The following JPH3 variants were observed in gnomAD, a reference collection of about 807,000 sequenced individuals.
JPH3 encodes the protein junctophilin-3.
In JPH3, 11 loss-of-function variants were observed where a neutral mutation model predicts 59.6. The ratio of observed to expected loss-of-function variants is 0.18; its 90% CI spans 0.12 to 0.31. The LOEUF (loss-of-function observed/expected upper bound fraction) is 0.31, where lower values mean the gene tolerates loss of function less well. Ranked by LOEUF, JPH3 falls within the 10% of genes least tolerant of loss-of-function variation. The pLI is 1.00. For missense variants in JPH3, 1,202 were observed against 1,105.7 expected, an observed-to-expected ratio of 1.09 and a Z score of -1.24; for synonymous variants, 673 against 483.6, an observed-to-expected ratio of 1.39 and a Z score of -5.14.
At chr16:87,687,537 G>A (rs2142829687) in intron 3 of JPH3, among the ~76,000 whole-genome samples, 1 of 152,348 alleles carries the variant, frequency 6.6e-6, no homozygotes. Context: ...GGTGTCCAGT[G>A]CCCAGGCCAC....
chr16:87,603,032 C>A lies in JPH3; in HGVS notation c.-115C>A. On this transcript the variant is annotated 5_prime_UTR_variant, in exon 1 of 5. Coordinates refer to ENST00000284262, the MANE Select transcript of JPH3 (RefSeq NM_020655.4). ...CGAGACCGCGCTCCGGGGCCGCGTC[C>A]TCCTCTCCTCCGGAAAACGCTCGCG... 7.2e-7 allele frequency: 1 copy of A among 1,385,974 alleles called. No homozygotes were observed. Among genetic ancestry groups the A allele is most frequent in the Non-Finnish European group, 9.8e-7 (1 of 1,020,356 alleles). The allele number at this position is 1,385,974 out of a possible 1,614,324, so 85.9% of individuals were successfully genotyped here. A position where few individuals can be genotyped will look rare whatever the true frequency, so the allele number is the denominator to read the frequency against.
intron 2 of JPH3, among the ~76,000 whole-genome samples, chr16:87,683,054 G>A (rs1052646825): frequency 1.3e-5 from 2 of 152,318 alleles, no homozygotes; most frequent in South Asian, 2.1e-4. Flanking sequence ...TGGCTCCTTC[G>A]TGTCACACAT....
chr16:87,657,511 T>C (rs9928780), intron 2 of JPH3, among the ~76,000 whole-genome samples: 14,181 of 152,246 alleles, frequency 0.093, 748 homozygotes, highest in Middle Eastern at 0.15. Context: ...TGAATGCCAC[T>C]GAACTGTGAA....
chr16:87,602,559 C>A lies in JPH3; in HGVS notation c.-588C>A, dbSNP rs915610089. On this transcript the variant is annotated 5_prime_UTR_variant, in exon 1 of 5. Transcript: ENST00000284262. Reference sequence around the variant, plus strand: ...ACGCCGCCGCCGCCACCGCCGCCGCCGCCGCCCGAGCCGCCGCATTGCTGC... The same window carrying A: ...ACGCCGCCGCCGCCACCGCCGCCGCAGCCGCCCGAGCCGCCGCATTGCTGC... Among the ~76,000 whole-genome samples the A allele has an allele frequency of 1.4e-5, 2 of 140,896 alleles. No individual in the cohort carries two copies. Among genetic ancestry groups the A allele is most frequent in the African/African-American group, 5.1e-5 (2 of 39,370 alleles). The allele number at this position is 140,896 out of a possible 152,430, so 92.4% of individuals were successfully genotyped here.
chr16:87,647,735 C>G (rs1034984425), intron 2 of JPH3, among the ~76,000 whole-genome samples: 1 of 152,222 alleles, frequency 6.6e-6, no homozygotes, highest in Non-Finnish European at 1.5e-5. Context: ...CCGCTGTGCA[C>G]AGCCAGCACG....
chr16:87,689,824 G>A lies in JPH3; in HGVS notation c.1464G>A (p.Pro488=), dbSNP rs558535738. Residue 488 remains proline (P), a synonymous_variant, in exon 4 of 5, where the codon CCG becomes CCA. Transcript: ENST00000284262. ...TCCCCACCAGCCCCGCGGCCACCCC[G>A]CCGCCCGCGCCCGCCGCCAGGAACA... ...QSFPTSPAAT[P]PPAPAARNKV... The A allele has an allele frequency of 3.8e-6, 6 of 1,559,396 alleles. No homozygotes were observed. The Admixed American group carries it at 5.7e-5, about 15-fold the overall frequency.
intron 1 of JPH3, among the ~76,000 whole-genome samples, chr16:87,638,006 G>T (rs1368496334): frequency 6.6e-6 from 1 of 152,140 alleles, no homozygotes; most frequent in Non-Finnish European, 1.5e-5. Context: ...AGCAGCCTCT[G>T]CCTCCTGGGT....
In JPH3 at chr16:87,689,725, G is replaced by C. The variant is rs757236318; in HGVS notation, c.1365G>C (p.Gln455His). 33 of 1,612,424 alleles carry C rather than the reference G, an allele frequency of 2.0e-5. No individual in the cohort carries two copies. The South Asian group carries it at 2.2e-4, about 11-fold the overall frequency. ...TGTCCACCGGGACACCCCTGCAGCA[G>C]GAGAGCCCCGAGCTGTACCGCAAGG... ...EVLSTGTPLQQESPELYRKGT... is the reference protein window; with the variant it reads ...EVLSTGTPLQHESPELYRKGT... Residue 455 changes from glutamine (Q) to histidine (H), a missense_variant, in exon 4 of 5, where the codon CAG becomes CAC. Physicochemically the swap from Gln to His is conservative, Grantham distance 24. Coordinates refer to ENST00000284262, the MANE Select transcript of JPH3 (RefSeq NM_020655.4).
chr16:87,616,193 TGTG>T (rs1567583271), intron 1 of JPH3, among the ~76,000 whole-genome samples: 8 of 63,048 alleles, frequency 1.3e-4, no homozygotes, highest in African/African-American at 4.2e-4. Context: ...TCTGGTTTTG[TGTG>T]TGTGTGTGTG....
chr16:87,664,296 AC>A (rs139034063), intron 2 of JPH3, among the ~76,000 whole-genome samples: 23,841 of 139,760 alleles, frequency 0.17, 2,465 homozygotes, highest in South Asian at 0.35. Context: ...GCGCCACTGC[AC>A]CTCCAGCCTG....
intron 2 of JPH3, among the ~76,000 whole-genome samples, chr16:87,657,568 CATAT>C (rs904301060): frequency 1.3e-5 from 2 of 152,160 alleles, no homozygotes; most frequent in African/African-American, 4.8e-5. Flanking sequence ...TTAAAAAAAT[CATAT>C]ATAGAAAGGA....
Position 87,684,203 on chromosome 16 carries a change from G to A in JPH3, c.1222G>A (p.Glu408Lys), listed in dbSNP as rs757850295. The A allele has an allele frequency of 1.2e-6, 2 of 1,613,992 alleles. No homozygotes were observed. The highest frequency in any genetic ancestry group is 1.7e-6 in the Non-Finnish European group (2 of 1,180,024). ...CACAGCAGCTCAGAAAGCCCAGGAG[G>A]AGGCGCGGATCGCCAGGATCACTGC... ...ALTAAQKAQE[E>K]ARIARITAKE... Residue 408 changes from glutamate to lysine, a missense_variant, in exon 3 of 5, where the codon GAG (glutamate) becomes AAG (lysine). Physicochemically the swap from Glu to Lys is moderately conservative, Grantham distance 56. Transcript: ENST00000284262.
intron 1 of JPH3, among the ~76,000 whole-genome samples, chr16:87,607,336 C>T (rs1483698617): frequency 2.0e-5 from 3 of 152,204 alleles, no homozygotes; most frequent in South Asian, 2.1e-4. Flanking sequence ...AGTCATCTCA[C>T]GCCCAAGCCT....
chr16:87,620,278 G>A (rs1394386259), intron 1 of JPH3, among the ~76,000 whole-genome samples: 1 of 151,546 alleles, frequency 6.6e-6, no homozygotes, highest in Non-Finnish European at 1.5e-5. Context: ...GTACAGCAGA[G>A]GCCAGGGGGG....
chr16:87,667,788 ACTCTT>A (rs1378410084), intron 2 of JPH3, among the ~76,000 whole-genome samples: 1 of 151,196 alleles, frequency 6.6e-6, no homozygotes, highest in Non-Finnish European at 1.5e-5. Context: ...TAAGTCACAT[ACTCTT>A]CTCTGTCTGT....
chr16:87,687,758 C>T (rs1181912183), intron 3 of JPH3, among the ~76,000 whole-genome samples: 2 of 152,146 alleles, frequency 1.3e-5, no homozygotes, highest in East Asian at 3.9e-4. Context: ...GGAGTCGGGG[C>T]CCCTCTAGCG....
At chr16:87,649,308 C>T (rs1404672029) in intron 2 of JPH3, among the ~76,000 whole-genome samples, 1 of 152,218 alleles carries the variant, frequency 6.6e-6, no homozygotes, top group African/African-American at 2.4e-5. Flanking sequence ...GCATTCGGCC[C>T]CTCCTGCCTT....
At chr16:87,657,632 T>C (rs1019869257) in intron 2 of JPH3, among the ~76,000 whole-genome samples, 3 of 152,210 alleles carry the variant, frequency 2.0e-5, no homozygotes, top group South Asian at 2.1e-4. Context: ...CAGTCACTCA[T>C]TGTGGAGACT....
At chr16:87,633,368 G>C (rs2150836712) in intron 1 of JPH3, among the ~76,000 whole-genome samples, 1 of 151,092 alleles carries the variant, frequency 6.6e-6, no homozygotes, top group African/African-American at 2.4e-5. Flanking sequence ...AGGTGGTAGA[G>C]GATGCCGGGG....
Sources: gnomAD v4.1 joint callset for allele counts (sites outside exome capture counted in the v4.1 genomes callset) on GRCh38, gnomAD v4.1.1 for gene constraint, MANE v1.5 for transcripts, NCBI Gene and HGNC (gene_info 2026-07-23, HGNC 2026-07-21) for gene names.